Variants in TPTE2 observed in about 807,000 individuals in gnomAD.
TPTE2 encodes transmembrane phosphoinositide 3-phosphatase and tensin homolog 2, also known as phosphatidylinositol 3,4,5-trisphosphate 3-phosphatase TPTE2.
A neutral mutation model predicts 78.6 loss-of-function variants in TPTE2; 53 were observed. That is an observed-to-expected ratio of 0.67 (90% CI 0.54 to 0.85). The LOEUF (loss-of-function observed/expected upper bound fraction) is 0.85, where lower values mean the gene tolerates loss of function less well. TPTE2 is among the 40% of genes least tolerant of loss of function. TPTE2 has a pLI of 0.00. For synonymous variants in TPTE2, 175 were observed against 206.2 expected, an observed-to-expected ratio of 0.85 and a Z score of 1.30; for missense variants, 461 against 623.0, an observed-to-expected ratio of 0.74 and a Z score of 2.77.
At chr13:19,460,940 A>G (rs150618723) in intron 10 of TPTE2, among the ~76,000 whole-genome samples, 29 of 152,336 alleles carry the variant, frequency 1.9e-4, no homozygotes, top group Non-Finnish European at 2.9e-4. Flanking sequence ...ATTTTGGGTT[A>G]TAGCATCCCC....
At chr13:19,469,725 TA>T (rs981265234) in intron 6 of TPTE2, among the ~76,000 whole-genome samples, 16 of 152,334 alleles carry the variant, frequency 1.1e-4, no homozygotes, top group African/African-American at 3.6e-4. Context: ...ATTTTCATTA[TA>T]AAGATCTTAC....
rs150615264 is a variant in TPTE2 at position 19,532,316 on chromosome 13, G to A, written c.-44+4280C>T. Among the ~76,000 whole-genome samples, 1,132 of 152,240 alleles carry A rather than the reference G, an allele frequency of 7.4e-3. 13 individuals carry two copies. Among genetic ancestry groups the A allele is most frequent in the Non-Finnish European group, 8.5e-3 (576 of 68,012 alleles). On this transcript the variant is annotated intron_variant, in intron 1 of 17. Transcript: ENST00000390680. ...GGTGGGGCCTTTAAAAGGTGATGAG[G>A]CCATGAGGGCTCCTATCTTGTGAAT... is the stretch of plus-strand genomic sequence containing the variant.
chr13:19,446,683 G>A (rs1043155095), intron 13 of TPTE2, among the ~76,000 whole-genome samples: 1 of 152,184 alleles, frequency 6.6e-6, no homozygotes, highest in Non-Finnish European at 1.5e-5. Flanking sequence ...GCTCATGCCT[G>A]TAATCCCAGC....
In TPTE2 at chr13:19,535,961, G is replaced by C. The variant is rs1441009998; in HGVS notation, c.-44+635C>G. ...TACCTCCAGGATTTTTAATTTCTTG[G>C]CAGGGATAATATGACATCAAAAACA... On this transcript the variant is annotated intron_variant, in intron 1 of 17. Transcript: ENST00000390680. The surrounding 1 kb of genome is among the most constrained non-coding windows in gnomAD (Gnocchi z 5.1). Among the ~76,000 whole-genome samples, 5 of 152,056 alleles carry C rather than the reference G, an allele frequency of 3.3e-5. No homozygotes were observed. Among genetic ancestry groups the C allele is most frequent in the Admixed American group, 2.6e-4 (4 of 15,262 alleles).
intron 15 of TPTE2, among the ~76,000 whole-genome samples, chr13:19,435,722 T>C (rs1310930265): frequency 6.6e-6 from 1 of 150,778 alleles, no homozygotes; most frequent in Non-Finnish European, 1.5e-5. Context: ...ATTTTCTCTT[T>C]TAAAATACAT....
At chr13:19,484,726 C>CA (rs879326180) in intron 3 of TPTE2, among the ~76,000 whole-genome samples, 51 of 152,130 alleles carry the variant, frequency 3.4e-4, no homozygotes, top group Non-Finnish European at 7.2e-4. Context: ...TTTATTATTA[C>CA]AAAATAATCT....
At chr13:19,503,626 G>C (rs541390234), upstream of TPTE2, among the ~76,000 whole-genome samples, 2 of 152,152 alleles carry the variant, frequency 1.3e-5, no homozygotes, top group Non-Finnish European at 2.9e-5. Context: ...GTGCTGCCTT[G>C]AAAGCCCTCC....
chr13:19,557,569 T>C, the TPTE2 span, among the ~76,000 whole-genome samples: 1 of 152,188 alleles, frequency 6.6e-6, no homozygotes, highest in Non-Finnish European at 1.5e-5. Flanking sequence ...ATGTCCAGTA[T>C]GTAAGTCCTA....
chr13:19,545,234 A>G, the TPTE2 span, among the ~76,000 whole-genome samples: 1 of 152,196 alleles, frequency 6.6e-6, no homozygotes, highest in Non-Finnish European at 1.5e-5. Flanking sequence ...AAAGGCTTCA[A>G]AAAGCCTTAA....
At chr13:19,431,803 G>A in intron 16 of TPTE2, among the ~76,000 whole-genome samples, 1 of 137,706 alleles carries the variant, frequency 7.3e-6, no homozygotes, top group Admixed American at 7.3e-5. Context: ...ATAGCACCCA[G>A]CACTGGCACC....
chr13:19,498,636 C>A (rs964198748), intron 1 of TPTE2, among the ~76,000 whole-genome samples: 6 of 151,836 alleles, frequency 4.0e-5, no homozygotes, highest in Non-Finnish European at 5.9e-5. Context: ...CCTAAAAGAG[C>A]TCCTGAAGGA....
the TPTE2 span, chr13:19,560,278 T>A: frequency 1.0e-6 from 1 of 981,042 alleles, no homozygotes; most frequent in Non-Finnish European, 1.6e-6. Context: ...AGAGTCTGAA[T>A]TGGCAAGGGC....
chr13:19,560,737 G>A, the TPTE2 span: 2 of 1,471,348 alleles, frequency 1.4e-6, no homozygotes, highest in Admixed American at 1.8e-5. Context: ...TCCAGCGACT[G>A]CCAGGGGCCC....
At chr13:19,492,634 T>G (rs1881066083) in intron 3 of TPTE2, among the ~76,000 whole-genome samples, 1 of 152,176 alleles carries the variant, frequency 6.6e-6, no homozygotes, top group African/African-American at 2.4e-5. Flanking sequence ...AAAAATACTC[T>G]GTATGGCCAT....
chr13:19,543,994 C>A, the TPTE2 span, among the ~76,000 whole-genome samples: 4 of 118,866 alleles, frequency 3.4e-5, no homozygotes, highest in Non-Finnish European at 4.8e-5. Flanking sequence ...CCTGGGAGAT[C>A]GAGGCTATAA....
At chr13:19,441,336 A>C (rs1471490971) in intron 13 of TPTE2, among the ~76,000 whole-genome samples, 3 of 152,082 alleles carry the variant, frequency 2.0e-5, no homozygotes, top group Non-Finnish European at 4.4e-5. Context: ...TACCTGGGTG[A>C]TGCGATCACT....
At chr13:19,459,529 T>C (rs1007598908) in intron 10 of TPTE2, among the ~76,000 whole-genome samples, 8 of 152,112 alleles carry the variant, frequency 5.3e-5, no homozygotes, top group South Asian at 2.1e-4. Flanking sequence ...GTGTGCTGCA[T>C]TGTGGGGGAT....
At chr13:19,552,672 A>T in the TPTE2 span, 1 of 660,072 alleles carries the variant, frequency 1.5e-6, no homozygotes, top group South Asian at 2.2e-5. Flanking sequence ...GACTGTGGCT[A>T]ACTGCTTAGC....
At chr13:19,528,259 C>T (rs1384165475) in intron 1 of TPTE2, among the ~76,000 whole-genome samples, 1 of 151,860 alleles carries the variant, frequency 6.6e-6, no homozygotes, top group Non-Finnish European at 1.5e-5. Flanking sequence ...TGGTGACAGA[C>T]ACCTGTAATC....
Sources: allele counts gnomAD v4.1 joint callset (sites outside exome capture counted in the v4.1 genomes callset), GRCh38; gene constraint gnomAD v4.1.1; non-coding constraint Gnocchi (gnomAD v3.1); transcripts MANE v1.5; gene names NCBI Gene and HGNC (gene_info 2026-07-23, HGNC 2026-07-21).